The following KLF8 variants were observed in gnomAD, a reference collection of about 807,000 sequenced individuals.
KLF8 encodes the protein KLF transcription factor 8, also known as Krueppel-like factor 8.
KLF8 carries 10 observed loss-of-function variants against 18.2 expected under a neutral mutation model. The observed-to-expected ratio is 0.55, with a 90% CI of 0.34 to 0.93. The LOEUF (loss-of-function observed/expected upper bound fraction) is 0.93. Among genes scored for constraint, KLF8 ranks in the 40% least tolerant of loss-of-function variants. The probability of loss-of-function intolerance (pLI) is 0.02; values close to 1 mark genes in which losing one functional copy is unlikely to be tolerated. For missense variants in KLF8, 264 were observed against 277.9 expected (o/e 0.95, Z 0.36); for synonymous variants, 109 against 97.3 (o/e 1.12, Z -0.71).
At chrX:56,256,109 T>C (rs2066791330) in intron 2 of KLF8, among the ~76,000 whole-genome samples, 1 of 111,552 alleles carries the variant, frequency 9.0e-6, no homozygotes, top group African/African-American at 3.3e-5. Flanking sequence ...TCAATCTTGG[T>C]AGGTTATATG....
At chrX:56,238,566 G>A (rs971343057) in intron 1 of KLF8, among the ~76,000 whole-genome samples, 3 of 111,788 alleles carry the variant, frequency 2.7e-5, no homozygotes, top group Non-Finnish European at 3.8e-5. Context: ...ATTGCCTAGA[G>A]TTGATGAGCC....
chrX:55,911,097 C>T, the KLF8 span, among the ~76,000 whole-genome samples: 3 of 111,862 alleles, frequency 2.7e-5, no homozygotes, highest in Admixed American at 2.8e-4. Flanking sequence ...ATACTGTGGT[C>T]TTATAATAAA....
At chrX:56,134,841 A>G in the KLF8 span, among the ~76,000 whole-genome samples, 1 of 111,359 alleles carries the variant, frequency 9.0e-6, no homozygotes, top group Non-Finnish European at 1.9e-5. Flanking sequence ...TCCCATCAAA[A>G]AGTGGGCTAA....
Position 56,289,155 on chromosome X carries a change from T to A in KLF8, c.*4661T>A, listed in dbSNP as rs893807618. ...ATGGGTATTTATTTTATACTTCGAGTTATAATCTAATACTACTACTTTATT... is the reference window on the plus strand; with the variant it reads ...ATGGGTATTTATTTTATACTTCGAGATATAATCTAATACTACTACTTTATT... On this transcript the variant is annotated 3_prime_UTR_variant, in exon 6 of 6. Transcript: ENST00000468660. Among the ~76,000 whole-genome samples, 2 of 112,308 alleles carry A rather than the reference T, an allele frequency of 1.8e-5. No homozygotes were observed. Among genetic ancestry groups the A allele is most frequent in the African/African-American group, 6.5e-5 (2 of 30,917 alleles).
At chrX:56,069,154 G>A in the KLF8 span, among the ~76,000 whole-genome samples, 2 of 112,259 alleles carry the variant, frequency 1.8e-5, no homozygotes, top group African/African-American at 6.5e-5. Context: ...AGCCAAGTGG[G>A]CAATGCCTAT....
the KLF8 span, among the ~76,000 whole-genome samples, chrX:56,201,902 A>G: frequency 9.0e-6 from 1 of 111,538 alleles, no homozygotes; most frequent in Non-Finnish European, 1.9e-5. Flanking sequence ...TACATGAGTT[A>G]TTTCGTTTAT....
the KLF8 span, among the ~76,000 whole-genome samples, chrX:55,924,345 G>A: frequency 8.9e-6 from 1 of 111,829 alleles, no homozygotes; most frequent in South Asian, 3.7e-4. Flanking sequence ...CAAAAGTGCT[G>A]GGATTACAGG....
chrX:56,166,950 G>A, the KLF8 span, among the ~76,000 whole-genome samples: 5 of 111,106 alleles, frequency 4.5e-5, no homozygotes, highest in African/African-American at 1.3e-4. Context: ...TTGCAATCAA[G>A]TGTCTATGAG....
the KLF8 span, among the ~76,000 whole-genome samples, chrX:55,933,469 T>C: frequency 8.9e-6 from 1 of 112,373 alleles, no homozygotes; most frequent in Non-Finnish European, 1.9e-5. Context: ...AGAATATTCC[T>C]GTTATATTAT....
the KLF8 span, among the ~76,000 whole-genome samples, chrX:56,026,871 G>A: frequency 8.9e-6 from 1 of 112,583 alleles, no homozygotes; most frequent in African/African-American, 3.2e-5. Context: ...GGGCATCTCT[G>A]TGAAGTCCAC....
intron 2 of KLF8, among the ~76,000 whole-genome samples, chrX:56,254,417 G>A (rs762038471): frequency 4.0e-4 from 45 of 111,520 alleles, no homozygotes; most frequent in African/African-American, 1.5e-3. Flanking sequence ...GGGGCGGGGT[G>A]CCTGCGACCC....
the KLF8 span, among the ~76,000 whole-genome samples, chrX:56,188,622 C>T: frequency 8.9e-6 from 1 of 111,890 alleles, no homozygotes; most frequent in South Asian, 3.7e-4. Flanking sequence ...TCAAACTATA[C>T]TACAATGCTA....
chrX:56,174,606 C>T, the KLF8 span, among the ~76,000 whole-genome samples: 1 of 111,633 alleles, frequency 9.0e-6, no homozygotes, highest in African/African-American at 3.3e-5. Flanking sequence ...TGATGCTGGC[C>T]TCATAAAATG....
the KLF8 span, among the ~76,000 whole-genome samples, chrX:56,087,587 A>C: frequency 9.0e-6 from 1 of 110,655 alleles, no homozygotes; most frequent in East Asian, 2.8e-4. Flanking sequence ...AGCCAACTAC[A>C]CTTCTTTTCT....
At chrX:56,088,730 T>C in the KLF8 span, among the ~76,000 whole-genome samples, 2 of 111,650 alleles carry the variant, frequency 1.8e-5, no homozygotes, top group African/African-American at 6.5e-5. Flanking sequence ...ATTATTATTG[T>C]CTTCATTGTA....
At chrX:56,029,473 G>A in the KLF8 span, among the ~76,000 whole-genome samples, 4 of 110,604 alleles carry the variant, frequency 3.6e-5, no homozygotes, top group Non-Finnish European at 7.6e-5. Context: ...TTATATCAGC[G>A]GTTTTCTTAG....
the KLF8 span, among the ~76,000 whole-genome samples, chrX:56,155,861 C>T: frequency 7.2e-5 from 8 of 111,159 alleles, no homozygotes; most frequent in African/African-American, 2.3e-4. Flanking sequence ...TATTTATTTC[C>T]GTGTGTGCTC....
chrX:56,051,694 C>T, the KLF8 span, among the ~76,000 whole-genome samples: 1 of 109,655 alleles, frequency 9.1e-6, no homozygotes, highest in Admixed American at 9.6e-5. Context: ...CTCTGGCTGC[C>T]CTTAACATTT....
the KLF8 span, among the ~76,000 whole-genome samples, chrX:56,160,565 G>A: frequency 9.0e-6 from 1 of 111,448 alleles, no homozygotes; most frequent in Admixed American, 9.6e-5. Context: ...TTATGAATCT[G>A]GGTGCTCCTG....
Sources: gnomAD v4.1 joint callset for allele counts (sites outside exome capture counted in the v4.1 genomes callset) on GRCh38, gnomAD v4.1.1 for gene constraint, MANE v1.5 for transcripts, NCBI Gene and HGNC (gene_info 2026-07-23, HGNC 2026-07-21) for gene names.